Variants in IQCM observed in about 807,000 individuals in gnomAD.
IQCM encodes IQ motif containing M.
IQCM carries 45 observed loss-of-function variants against 57.6 expected under a neutral mutation model. The ratio of observed to expected loss-of-function variants is 0.78; its 90% CI spans 0.62 to 1.00. The LOEUF (loss-of-function observed/expected upper bound fraction) is 1.00. Among genes scored for constraint, IQCM ranks in the 50% least tolerant of loss-of-function variants. IQCM has a pLI of 0.00. For synonymous variants in IQCM, 148 were observed against 158.9 expected (o/e 0.93, Z 0.51); for missense variants, 468 against 511.6 (o/e 0.91, Z 0.82).
intron 2 of IQCM, among the ~76,000 whole-genome samples, chr4:149,777,595 T>G (rs907520499): frequency 6.6e-6 from 1 of 152,196 alleles, no homozygotes; most frequent in African/African-American, 2.4e-5. Context: ...TCATCTATTT[T>G]GCCTATAACA....
Position 149,691,896 on chromosome 4 carries a change from G to A in IQCM, c.386-5428C>T, listed in dbSNP as rs544702769. ...AAATTTTCACTAATGAGGAATTCAC[G>A]TTTGTAAAAATACACATCTATGCTT... On this transcript the variant is annotated intron_variant, in intron 5 of 13. Coordinates refer to ENST00000636793, the MANE Select transcript of IQCM (RefSeq NM_001363507.2). 3.3e-5 allele frequency: 5 copies of A among 152,230 alleles called. 1 individual carries two copies. The highest frequency in any genetic ancestry group is 1.9e-4 in the East Asian group (1 of 5,174). 9.4% of individuals were successfully genotyped at this position (152,230 alleles called of 1,614,324 possible). A position where few individuals can be genotyped will look rare whatever the true frequency, so the allele number is the denominator to read the frequency against.
At chr4:149,407,823 C>T (rs1249446456) in intron 13 of IQCM, among the ~76,000 whole-genome samples, 1 of 152,076 alleles carries the variant, frequency 6.6e-6, no homozygotes, top group Non-Finnish European at 1.5e-5. Context: ...AACATATAAA[C>T]ACAGGATTTT....
rs1730065625 is a variant in IQCM, at chr4:149,368,831, T to TATATATATACATATATATACAC, written c.1391-16766_1391-16765insGTGTATATATATGTATATATAT. On this transcript the variant is annotated intron_variant, in intron 13 of 13. Coordinates refer to ENST00000636793, the MANE Select transcript of IQCM (RefSeq NM_001363507.2). ...ATGTATATATATACATATATATACA[T>TATATATATACATATATATACAC]GTATATATATACATATATATACATG... is the stretch of plus-strand genomic sequence containing the variant. Among the ~76,000 whole-genome samples, 6 of 43,802 alleles carry TATATATATACATATATATACAC rather than the reference T, an allele frequency of 1.4e-4. 2 individuals carry two copies. The highest frequency in any genetic ancestry group is 5.7e-4 in the African/African-American group (6 of 10,500). The allele number at this position is 43,802 out of a possible 152,430, so 28.7% of individuals were successfully genotyped here.
chr4:149,537,412 T>G (rs1747404723), intron 12 of IQCM, among the ~76,000 whole-genome samples: 1 of 151,734 alleles, frequency 6.6e-6, no homozygotes, highest in Non-Finnish European at 1.5e-5. Flanking sequence ...ATAGCTATTA[T>G]CCAATTTGAA....
chr4:149,614,810 C>A (rs1378047792), intron 8 of IQCM, among the ~76,000 whole-genome samples: 1 of 152,192 alleles, frequency 6.6e-6, no homozygotes, highest in African/African-American at 2.4e-5. Context: ...CCATCCTGGG[C>A]CACATGTGGC....
chr4:149,620,152 G>T (rs577175648), intron 8 of IQCM, among the ~76,000 whole-genome samples: 1 of 146,190 alleles, frequency 6.8e-6, no homozygotes, highest in Non-Finnish European at 1.5e-5. Flanking sequence ...GAGAGACTCC[G>T]TCTCAAAAAC....
chr4:149,379,162 T>C (rs1330458037), intron 13 of IQCM, among the ~76,000 whole-genome samples: 1 of 152,164 alleles, frequency 6.6e-6, no homozygotes, highest in Non-Finnish European at 1.5e-5. Flanking sequence ...AGGCAGACAT[T>C]TGTTGCAGGA....
At chr4:149,777,249 A>G (rs574417560) in intron 2 of IQCM, among the ~76,000 whole-genome samples, 48 of 152,308 alleles carry the variant, frequency 3.2e-4, no homozygotes, top group African/African-American at 1.1e-3. Context: ...AAAATTGCCA[A>G]TTTGTCTCTG....
chr4:149,561,881 C>T (rs1750157276), intron 10 of IQCM, among the ~76,000 whole-genome samples: 1 of 152,042 alleles, frequency 6.6e-6, no homozygotes, highest in African/African-American at 2.4e-5. Flanking sequence ...GAGAGATCAG[C>T]TCTGCTTGAT....
intron 2 of IQCM, among the ~76,000 whole-genome samples, chr4:149,778,834 TA>T (rs991087493): frequency 6.6e-6 from 1 of 152,148 alleles, no homozygotes; most frequent in African/African-American, 2.4e-5. Flanking sequence ...AATTATTAGA[TA>T]AATAAAGCTG....
intron 13 of IQCM, among the ~76,000 whole-genome samples, chr4:149,359,157 C>T (rs1729295556): frequency 1.3e-5 from 2 of 152,070 alleles, no homozygotes; most frequent in East Asian, 1.9e-4. Flanking sequence ...AACTTTAATG[C>T]TCGTTGGTCC....
chr4:149,378,619 C>T (rs1730859460), intron 13 of IQCM, among the ~76,000 whole-genome samples: 1 of 152,098 alleles, frequency 6.6e-6, no homozygotes, highest in African/African-American at 2.4e-5. Context: ...TATTTCTAAG[C>T]AACAAAGCAT....
At chr4:149,373,390 T>C (rs1463185881) in intron 13 of IQCM, among the ~76,000 whole-genome samples, 2 of 152,158 alleles carry the variant, frequency 1.3e-5, no homozygotes, top group Non-Finnish European at 2.9e-5. Flanking sequence ...TCAGACACCA[T>C]ATAAGCACTT....
intron 13 of IQCM, among the ~76,000 whole-genome samples, chr4:149,359,481 T>A (rs1411715918): frequency 6.6e-6 from 1 of 152,146 alleles, no homozygotes; most frequent in African/African-American, 2.4e-5. Context: ...TTGGAATGCA[T>A]GGTAGAAAGT....
intron 13 of IQCM, among the ~76,000 whole-genome samples, chr4:149,381,587 T>G (rs965139984): frequency 6.6e-6 from 1 of 152,260 alleles, no homozygotes; most frequent in Middle Eastern, 3.4e-3. Flanking sequence ...ATTATCTGCC[T>G]AGCTCCATTA....
At chr4:149,410,009 C>T (rs959612404) in intron 13 of IQCM, among the ~76,000 whole-genome samples, 1 of 152,116 alleles carries the variant, frequency 6.6e-6, no homozygotes, top group African/African-American at 2.4e-5. Flanking sequence ...GATGGTGAAA[C>T]CCCGTCTCTA....
intron 5 of IQCM, among the ~76,000 whole-genome samples, chr4:149,724,329 T>C (rs1765704109): frequency 6.6e-6 from 1 of 152,060 alleles, no homozygotes; most frequent in Non-Finnish European, 1.5e-5. Flanking sequence ...CACAAAGTCA[T>C]TTTTTTCTGA....
At chr4:149,386,383 A>G (rs1381929299) in intron 13 of IQCM, among the ~76,000 whole-genome samples, 1 of 152,106 alleles carries the variant, frequency 6.6e-6, no homozygotes. Context: ...TACTTATTAC[A>G]TAGATCAGTT....
intron 7 of IQCM, among the ~76,000 whole-genome samples, chr4:149,663,549 C>A (rs561691934): frequency 2.8e-4 from 43 of 152,070 alleles, no homozygotes; most frequent in Admixed American, 2.5e-3. Context: ...CTGAAGGAAA[C>A]CTTTGATAGG....
Sources: gnomAD v4.1 joint callset for allele counts (sites outside exome capture counted in the v4.1 genomes callset) on GRCh38, gnomAD v4.1.1 for gene constraint, MANE v1.5 for transcripts, NCBI Gene and HGNC (gene_info 2026-07-23, HGNC 2026-07-21) for gene names.